EDIL3: variants seen among roughly 807,000 people sequenced by gnomAD.
EDIL3 encodes the protein EGF-like repeat and discoidin I-like domain-containing protein 3.
A neutral mutation model predicts 67.4 loss-of-function variants in EDIL3; 37 were observed. The ratio of observed to expected loss-of-function variants is 0.55; its 90% confidence interval spans 0.42 to 0.72. The LOEUF is 0.72. EDIL3 is among the 30% of genes least tolerant of loss of function. EDIL3 has a pLI of 0.00. For synonymous variants in EDIL3, 195 were observed against 196.3 expected (o/e 0.99, Z 0.05); for missense variants, 527 against 586.3 (o/e 0.90, Z 1.04).
chr5:84,294,333 T>G (rs936953461), intron 1 of EDIL3, among the ~76,000 whole-genome samples: 72 of 134,990 alleles, frequency 5.3e-4, no homozygotes, highest in African/African-American at 1.9e-3. Context: ...TTCAGTGAGC[T>G]GAGATCATTC....
chr5:84,023,275 C>A (rs921043223), intron 9 of EDIL3, among the ~76,000 whole-genome samples: 2 of 151,618 alleles, frequency 1.3e-5, no homozygotes, highest in African/African-American at 2.4e-5. Context: ...AAACAAAAAG[C>A]AAACAAAAAA....
At chr5:84,259,844 T>C (rs1453912457) in intron 1 of EDIL3, among the ~76,000 whole-genome samples, 1 of 152,110 alleles carries the variant, frequency 6.6e-6, no homozygotes, top group African/African-American at 2.4e-5. Flanking sequence ...AAATACTACT[T>C]GGTATTGCAG....
chr5:84,286,737 A>T (rs1188356894), intron 1 of EDIL3, among the ~76,000 whole-genome samples: 3 of 152,156 alleles, frequency 2.0e-5, no homozygotes, highest in Admixed American at 2.0e-4. Context: ...TTTTGGATAC[A>T]ATTATTTCTC....
intron 1 of EDIL3, among the ~76,000 whole-genome samples, chr5:84,362,746 A>T (rs991484111): frequency 2.6e-5 from 4 of 152,138 alleles, no homozygotes; most frequent in African/African-American, 9.7e-5. Context: ...TAAATCAGAA[A>T]CCTGAAACCT....
Position 84,384,447 on chromosome 5 carries a change from G to T in EDIL3, c.-73C>A. 2 of 1,473,040 alleles carry T rather than the reference G, an allele frequency of 1.4e-6. No individual in the cohort carries two copies. Among genetic ancestry groups the T allele is most frequent in the South Asian group, 1.2e-5 (1 of 86,678 alleles). 91.2% of individuals were successfully genotyped at this position (1,473,040 alleles called of 1,614,324 possible). The stretch of plus-strand genomic sequence containing the variant: ...AGGGCAGTGTAGCCGAGGTGGCAGC[G>T]CAGGGCAGCAGCAGACTCCGCCCCT... On this transcript the variant is annotated 5_prime_UTR_variant, in exon 1 of 11. Coordinates refer to ENST00000296591, the MANE Select transcript of EDIL3 (RefSeq NM_005711.5).
chr5:84,109,546 C>T (rs75321522), intron 5 of EDIL3, among the ~76,000 whole-genome samples: 2,421 of 151,956 alleles, frequency 0.016, 56 homozygotes, highest in African/African-American at 0.056. Context: ...AAAAAACCCT[C>T]CACAATTCAA....
chr5:83,968,129 T>C (rs1744728467), intron 9 of EDIL3, among the ~76,000 whole-genome samples: 1 of 152,254 alleles, frequency 6.6e-6, no homozygotes, highest in African/African-American at 2.4e-5. Flanking sequence ...TTAAGGCACA[T>C]AATTAATGGT....
chr5:84,307,784 A>G (rs142802201), intron 1 of EDIL3, among the ~76,000 whole-genome samples: 70 of 152,294 alleles, frequency 4.6e-4, no homozygotes, highest in Admixed American at 2.5e-3. Flanking sequence ...GAAGGGGCAT[A>G]ATAAAGTACA....
intron 6 of EDIL3, among the ~76,000 whole-genome samples, chr5:84,072,699 T>A (rs1334885281): frequency 1.3e-5 from 2 of 152,154 alleles, no homozygotes; most frequent in African/African-American, 2.4e-5. Flanking sequence ...AAACACAAAT[T>A]CAAACAATTT....
intron 4 of EDIL3, among the ~76,000 whole-genome samples, chr5:84,173,508 C>G (rs1004345445): frequency 6.6e-6 from 1 of 152,098 alleles, no homozygotes; most frequent in African/African-American, 2.4e-5. Flanking sequence ...AAGACAGCAG[C>G]GCACCACAAT....
chr5:84,372,300 T>C (rs1747870878), intron 1 of EDIL3, among the ~76,000 whole-genome samples: 1 of 152,114 alleles, frequency 6.6e-6, no homozygotes, highest in African/African-American at 2.4e-5. Context: ...GGTTTACAAA[T>C]ATTTGAAACA....
intron 9 of EDIL3, among the ~76,000 whole-genome samples, chr5:84,053,367 A>C (rs1404491778): frequency 6.6e-6 from 1 of 152,222 alleles, no homozygotes; most frequent in African/African-American, 2.4e-5. Context: ...GAAAGATCTA[A>C]AATTGACACC....
intron 9 of EDIL3, among the ~76,000 whole-genome samples, chr5:84,005,145 C>G (rs1196411661): frequency 6.6e-6 from 1 of 151,894 alleles, no homozygotes; most frequent in Non-Finnish European, 1.5e-5. Flanking sequence ...AAATTGAAAC[C>G]CTGAACAGAT....
intron 4 of EDIL3, among the ~76,000 whole-genome samples, chr5:84,175,182 C>G (rs1748881305): frequency 6.6e-6 from 1 of 152,088 alleles, no homozygotes; most frequent in Non-Finnish European, 1.5e-5. Context: ...CTTGTGCCAT[C>G]CCCACTGACA....
At chr5:84,102,489 A>G (rs1747385237) in intron 6 of EDIL3, among the ~76,000 whole-genome samples, 1 of 151,950 alleles carries the variant, frequency 6.6e-6, no homozygotes, top group East Asian at 1.9e-4. Flanking sequence ...GCTGATAAAC[A>G]CCTTCAGCAA....
intron 9 of EDIL3, among the ~76,000 whole-genome samples, chr5:84,026,999 G>A (rs1745827093): frequency 6.6e-6 from 1 of 152,144 alleles, no homozygotes; most frequent in Admixed American, 6.6e-5. Flanking sequence ...GGAGGCTGAG[G>A]TGGGAGGATC....
intron 1 of EDIL3, among the ~76,000 whole-genome samples, chr5:84,263,511 G>A (rs7707565): frequency 0.59 from 89,604 of 152,044 alleles, 26,654 homozygotes; most frequent in East Asian, 0.82. Context: ...ATATACCACC[G>A]TGATTTAAGA....
intron 1 of EDIL3, among the ~76,000 whole-genome samples, chr5:84,344,489 A>G (rs1203064882): frequency 6.6e-6 from 1 of 152,102 alleles, no homozygotes; most frequent in African/African-American, 2.4e-5. Flanking sequence ...TAAACACGTT[A>G]CCAACAATTT....
chr5:84,144,270 T>TTTCC (rs61382462), intron 4 of EDIL3, among the ~76,000 whole-genome samples: 37 of 147,988 alleles, frequency 2.5e-4, no homozygotes, highest in South Asian at 6.5e-4. Context: ...CCCTTCCTCC[T>TTTCC]TTCCTTCCTT....
Sources: gnomAD v4.1 joint callset for allele counts (sites outside exome capture counted in the v4.1 genomes callset) on GRCh38, gnomAD v4.1.1 for gene constraint, MANE v1.5 for transcripts, NCBI Gene and HGNC (gene_info 2026-07-23, HGNC 2026-07-21) for gene names.